Variants in PTPN20 observed in about 807,000 individuals in gnomAD.
The protein encoded by PTPN20 is protein tyrosine phosphatase non-receptor type 20.
A neutral mutation model predicts 35.0 loss-of-function variants in PTPN20; 9 were observed. That is an observed-to-expected ratio of 0.26 (90% CI 0.15 to 0.45). The LOEUF is 0.45. PTPN20 is among the 20% of genes least tolerant of loss of function. PTPN20 has a pLI of 1.00. For missense variants in PTPN20, 111 were observed against 312.5 expected (o/e 0.36, Z 4.86); for synonymous variants, 32 against 100.2 (o/e 0.32, Z 4.06).
At chr10:46,933,619 A>G (rs2040476829) in intron 2 of PTPN20, among the ~76,000 whole-genome samples, 2 of 138,932 alleles carry the variant, frequency 1.4e-5, no homozygotes, top group African/African-American at 2.8e-5. Flanking sequence ...CATTTATAGA[A>G]GAGACTTTCT....
chr10:46,929,282 T>G (rs1193736931), intron 1 of PTPN20, among the ~76,000 whole-genome samples: 1 of 130,358 alleles, frequency 7.7e-6, no homozygotes, highest in Non-Finnish European at 1.6e-5. Context: ...GGAGCTTTTG[T>G]TCCTCTTTCC....
At chr10:46,953,044 A>C (rs2047173356) in intron 5 of PTPN20, among the ~76,000 whole-genome samples, 1 of 145,750 alleles carries the variant, frequency 6.9e-6, no homozygotes, top group Non-Finnish European at 1.5e-5. Flanking sequence ...CAGTCTTAAC[A>C]TATAGATTGT....
chr10:46,954,441 G>T (rs1216049606), intron 5 of PTPN20, among the ~76,000 whole-genome samples: 6 of 146,510 alleles, frequency 4.1e-5, no homozygotes, highest in Non-Finnish European at 7.4e-5. Context: ...ATTGATATAG[G>T]ACTATTTAGG....
At chr10:46,959,688 A>G (rs1279797076) in intron 5 of PTPN20, among the ~76,000 whole-genome samples, 1 of 120,882 alleles carries the variant, frequency 8.3e-6, no homozygotes, top group African/African-American at 3.2e-5. Context: ...TGTGGTTACC[A>G]TGGGCATTAT....
chr10:46,991,749 G>A (rs2058007681), intron 9 of PTPN20, among the ~76,000 whole-genome samples: 1 of 145,838 alleles, frequency 6.9e-6, no homozygotes. Flanking sequence ...CTGAAAATAG[G>A]TCCACAGTTT....
chr10:46,932,490 T>C lies in PTPN20; in HGVS notation c.-10T>C. 6.2e-7 allele frequency: 1 copy of C among 1,612,004 alleles called. No homozygotes were observed. Among genetic ancestry groups the C allele is most frequent in the Non-Finnish European group, 8.5e-7 (1 of 1,179,874 alleles). On this transcript the variant is annotated 5_prime_UTR_variant, in exon 2 of 11. An upstream start codon of the reference 5' UTR is lost. Coordinates refer to ENST00000374339, the MANE Select transcript of PTPN20 (RefSeq NM_001042357.5). ...CCTTTTACCAGTCTCATTTAGGGGA[T>C]GGGAACAACATGTCTTCACCTAGGG...
chr10:46,929,547 A>G (rs2038886893), intron 1 of PTPN20, among the ~76,000 whole-genome samples: 1 of 151,748 alleles, frequency 6.6e-6, no homozygotes. Flanking sequence ...CTGGTGATAC[A>G]TACACATTCT....
intron 9 of PTPN20, among the ~76,000 whole-genome samples, chr10:46,992,580 G>T (rs2058202188): frequency 6.6e-6 from 1 of 152,134 alleles, no homozygotes; most frequent in African/African-American, 2.4e-5. Flanking sequence ...CAGAAGGTCA[G>T]TTTGTTTGTT....
chr10:46,942,094 C>T (rs61845357), intron 3 of PTPN20, among the ~76,000 whole-genome samples: 752 of 3,512 alleles, frequency 0.21, 19 homozygotes, highest in South Asian at 0.37. Flanking sequence ...GTGATCCACC[C>T]GTCTTGGCCT....
Position 46,993,865 on chromosome 10 carries a change from T to C in PTPN20, c.1135-6047T>C, listed in dbSNP as rs558836068. 1.2e-3 allele frequency among the ~76,000 whole-genome samples: 189 copies of C among 152,332 alleles called. 1 individual carries two copies. The highest frequency in any genetic ancestry group is 4.4e-3 in the African/African-American group (182 of 41,584). ...ATAGAGTATTCTGGTTTTGTCCATGTTGTTAATGTTACCAGTGGATTTTAT... is the reference window on the plus strand; with the variant it reads ...ATAGAGTATTCTGGTTTTGTCCATGCTGTTAATGTTACCAGTGGATTTTAT... On this transcript the variant is annotated intron_variant, in intron 9 of 10. Transcript: ENST00000374339.
At chr10:46,968,653 G>C (rs1290877284) in intron 7 of PTPN20, among the ~76,000 whole-genome samples, 6 of 152,190 alleles carry the variant, frequency 3.9e-5, no homozygotes, top group Non-Finnish European at 8.8e-5. Flanking sequence ...TCTTAGGCAG[G>C]ATATCTCATT....
intron 2 of PTPN20, among the ~76,000 whole-genome samples, chr10:46,939,947 G>T (rs1386563565): frequency 1.3e-5 from 2 of 152,140 alleles, no homozygotes; most frequent in African/African-American, 4.8e-5. Context: ...CCATGCCATA[G>T]AATTTCTAAA....
intron 1 of PTPN20, 57 bp from the exon 2 acceptor site, chr10:46,932,320 G>A (rs1353534671): frequency 1.9e-6 from 3 of 1,561,482 alleles, no homozygotes; most frequent in African/African-American, 1.4e-5. Flanking sequence ...ATATGTCAAA[G>A]CTGTGATAGC....
At chr10:47,002,799 A>G (rs2060129821), downstream of PTPN20, among the ~76,000 whole-genome samples, 1 of 151,850 alleles carries the variant, frequency 6.6e-6, no homozygotes, top group African/African-American at 2.4e-5. Flanking sequence ...TTTCTTCCAT[A>G]TTAGAGTTAG....
intron 5 of PTPN20, among the ~76,000 whole-genome samples, chr10:46,951,421 G>C (rs2046618058): frequency 6.6e-6 from 1 of 152,212 alleles, no homozygotes; most frequent in South Asian, 2.1e-4. Flanking sequence ...CATGTTGTCT[G>C]TCTGACAAAT....
intron 9 of PTPN20, among the ~76,000 whole-genome samples, chr10:46,994,041 C>T (rs1359895657): frequency 3.3e-5 from 5 of 151,938 alleles, no homozygotes; most frequent in Non-Finnish European, 7.4e-5. Flanking sequence ...TTTATCACTC[C>T]TTCATATTTA....
intron 5 of PTPN20, among the ~76,000 whole-genome samples, chr10:46,952,344 AT>A (rs2046955024): frequency 1.3e-5 from 2 of 149,116 alleles, no homozygotes; most frequent in Non-Finnish European, 3.0e-5. Context: ...ATCTACAGTG[AT>A]AAAACTAATC....
chr10:46,999,809 T>G, intron 9 of PTPN20, 103 bp from the exon 10 acceptor site: 1 of 1,368,636 alleles, frequency 7.3e-7, no homozygotes, highest in Non-Finnish European at 1.0e-6. Context: ...AAATGAGATC[T>G]TTCTGATTAA....
At chr10:46,992,586 T>G (rs1391956890) in intron 9 of PTPN20, among the ~76,000 whole-genome samples, 2 of 152,212 alleles carry the variant, frequency 1.3e-5, no homozygotes, top group African/African-American at 4.8e-5. Context: ...GTCAGTTTGT[T>G]TGTTTCTTAA....
Sources: allele counts gnomAD v4.1 joint callset (sites outside exome capture counted in the v4.1 genomes callset), GRCh38; gene constraint gnomAD v4.1.1; transcripts MANE v1.5; gene names NCBI Gene and HGNC (gene_info 2026-07-23, HGNC 2026-07-21).